KCNQ1: variants seen among roughly 807,000 people sequenced by gnomAD.
KCNQ1 encodes the protein potassium voltage-gated channel subfamily KQT member 1.
KCNQ1 carries 49 observed loss-of-function variants against 72.4 expected under a neutral mutation model. The observed-to-expected ratio is 0.68, with a 90% CI of 0.54 to 0.86. KCNQ1 has a LOEUF of 0.86. KCNQ1 is among the 40% of genes least tolerant of loss of function. The pLI is 0.00. For missense variants in KCNQ1, 790 were observed against 945.1 expected, an observed-to-expected ratio of 0.84 and a Z score of 2.15; for synonymous variants, 450 against 412.6, an observed-to-expected ratio of 1.09 and a Z score of -1.10.
At chr11:2,811,243 G>A (rs1036864434) in intron 15 of KCNQ1, among the ~76,000 whole-genome samples, 1 of 152,180 alleles carries the variant, frequency 6.6e-6, no homozygotes, top group Non-Finnish European at 1.5e-5. Context: ...ACCCCTGTCC[G>A]GCTTCCCTGG....
intron 11 of KCNQ1, among the ~76,000 whole-genome samples, chr11:2,707,222 C>T (rs1850925777): frequency 6.6e-6 from 1 of 152,156 alleles, no homozygotes; most frequent in African/African-American, 2.4e-5. Context: ...CACCAAAGCT[C>T]ACTACTGTTT....
In KCNQ1 at chr11:2,664,412, G is replaced by A. The variant is rs536860999; in HGVS notation, c.1514+2331G>A. ...GAGGCCTGAAGGGGAGAGTGGGCAC[G>A]TACAGTGTCAGGGCCTAGGAACCCA... On this transcript the variant is annotated intron_variant, in intron 11 of 15. Transcript: ENST00000155840. This position sits in a 1 kb window ranked among gnomAD's most constrained non-coding sequence, Gnocchi z 5.1. 35 of 398,692 alleles carry A rather than the reference G, an allele frequency of 8.8e-5. 1 individual carries two copies. The South Asian group carries it at 2.2e-3, about 25-fold the overall frequency. 24.7% of individuals were successfully genotyped at this position (398,692 alleles called of 1,614,324 possible).
rs1383476750 is a variant in KCNQ1 at position 2,803,585 on chromosome 11, A to T, written c.1794+25548A>T. Reference sequence around the variant, plus strand: ...TGGGGCTTCAGTGGAGCCCGCCAGGACTGGGGACACAAGCCTAGGCCTGTA... The same window carrying T: ...TGGGGCTTCAGTGGAGCCCGCCAGGTCTGGGGACACAAGCCTAGGCCTGTA... On this transcript the variant is annotated intron_variant, in intron 15 of 15. Coordinates refer to ENST00000155840, the MANE Select transcript of KCNQ1 (RefSeq NM_000218.3). The surrounding 1 kb of genome is among the most constrained non-coding windows in gnomAD (Gnocchi z 6.4). 6.6e-6 allele frequency among the ~76,000 whole-genome samples: 1 copy of T among 152,054 alleles called. No individual in the cohort carries two copies. Among genetic ancestry groups the T allele is most frequent in the African/African-American group, 2.4e-5 (1 of 41,396 alleles).
At chr11:2,504,277 T>G (rs1029780219) in intron 1 of KCNQ1, among the ~76,000 whole-genome samples, 1 of 151,778 alleles carries the variant, frequency 6.6e-6, no homozygotes, top group Non-Finnish European at 1.5e-5. Context: ...AGATAAAGAT[T>G]AAAACAATTG....
chr11:2,801,736 G>A (rs992246450), intron 15 of KCNQ1, among the ~76,000 whole-genome samples: 1 of 152,270 alleles, frequency 6.6e-6, no homozygotes, highest in African/African-American at 2.4e-5. Flanking sequence ...GGAGCCTGGG[G>A]AGATGCCCCC....
rs541331152 is a variant in KCNQ1, at chr11:2,719,393, G to A, written c.1515-49451G>A. ...TGCCTGTGGTCCCAGCTGTTTGGGGGCTGAGATGGGAGGATCGCCTGAGCC... is the reference window on the plus strand; with the variant it reads ...TGCCTGTGGTCCCAGCTGTTTGGGGACTGAGATGGGAGGATCGCCTGAGCC... On this transcript the variant is annotated intron_variant, in intron 11 of 15. Transcript: ENST00000155840. Among the ~76,000 whole-genome samples the A allele has an allele frequency of 3.9e-5, 6 of 151,926 alleles. No individual in the cohort carries two copies. In the South Asian group the frequency reaches 1.0e-3, roughly 26 times the overall value.
chr11:2,847,304 G>A lies in KCNQ1; in HGVS notation c.1795-463G>A, dbSNP rs141217381. Among the ~76,000 whole-genome samples the A allele has an allele frequency of 1.2e-3, 183 of 152,336 alleles. 1 individual carries two copies. The highest frequency in any genetic ancestry group is 4.3e-3 in the African/African-American group (180 of 41,584). ...GTCCAGTTCTCCTCCAGACACAGTA[G>A]ACATAGCCCCCAGCCTTTCTTGACC... On this transcript the variant is annotated intron_variant, in intron 15 of 15. Coordinates refer to ENST00000155840, the MANE Select transcript of KCNQ1 (RefSeq NM_000218.3).
Position 2,620,204 on chromosome 11 carries a change from T to TAC in KCNQ1, c.1393+31351_1393+31352insCA, listed in dbSNP as rs1849143109. 3.2e-6 allele frequency: 1 copy of TAC among 312,262 alleles called. No individual in the cohort carries two copies. Among genetic ancestry groups the TAC allele is most frequent in the Admixed American group, 5.2e-5 (1 of 19,260 alleles). The allele number at this position is 312,262 out of a possible 1,614,324, so 19.3% of individuals were successfully genotyped here. A position where few individuals can be genotyped will look rare whatever the true frequency, so the allele number is the denominator to read the frequency against. On this transcript the variant is annotated intron_variant, in intron 10 of 15. Coordinates refer to ENST00000155840, the MANE Select transcript of KCNQ1 (RefSeq NM_000218.3). This position sits in a 1 kb window ranked among gnomAD's most constrained non-coding sequence, Gnocchi z 4.5. The stretch of plus-strand genomic sequence containing the variant: ...AAGGACGTAAGTTCATTCATGTATA[T>TAC]ATATATATTTTTTTTTTTTATTTTT...
intron 11 of KCNQ1, among the ~76,000 whole-genome samples, chr11:2,707,549 G>C (rs1850930689): frequency 6.6e-6 from 1 of 152,118 alleles, no homozygotes; most frequent in South Asian, 2.1e-4. Flanking sequence ...GACCTGCCAG[G>C]CTCTCAGAGC....
Position 2,669,989 on chromosome 11 carries a change from C to T in KCNQ1, c.1514+7908C>T, listed in dbSNP as rs952928117. On this transcript the variant is annotated intron_variant, in intron 11 of 15. Coordinates refer to ENST00000155840, the MANE Select transcript of KCNQ1 (RefSeq NM_000218.3). This position sits in a 1 kb window ranked among gnomAD's most constrained non-coding sequence, Gnocchi z 5.6. ...GTCCCCAAGTCACAACCTCAAATCTCGGAATGGGGTTCAGGAGCTGTTGGG... is the reference window on the plus strand; with the variant it reads ...GTCCCCAAGTCACAACCTCAAATCTTGGAATGGGGTTCAGGAGCTGTTGGG... The T allele has an allele frequency of 1.3e-5, 5 of 398,532 alleles. No individual in the cohort carries two copies. The highest frequency in any genetic ancestry group is 3.6e-5 in the East Asian group (1 of 28,082). The allele number at this position is 398,532 out of a possible 1,614,324, so 24.7% of individuals were successfully genotyped here.
At chr11:2,459,144 C>T (rs1323013978) in intron 1 of KCNQ1, among the ~76,000 whole-genome samples, 1 of 152,182 alleles carries the variant, frequency 6.6e-6, no homozygotes, top group Non-Finnish European at 1.5e-5. Context: ...CAGCTCCCAG[C>T]TGGCCATGTT....
In KCNQ1 at chr11:2,562,885, C is replaced by A. The variant is rs947374970; in HGVS notation, c.478-7743C>A. Among the ~76,000 whole-genome samples the A allele has an allele frequency of 6.6e-6, 1 of 152,114 alleles. No homozygotes were observed. The highest frequency in any genetic ancestry group is 1.5e-5 in the Non-Finnish European group (1 of 68,022). ...TCCGCCGTCTTTAAAATTAATTTTCCTTTAAAGATACTGTAGAGCAGTAAC... is the reference window on the plus strand; with the variant it reads ...TCCGCCGTCTTTAAAATTAATTTTCATTTAAAGATACTGTAGAGCAGTAAC... On this transcript the variant is annotated intron_variant, in intron 2 of 15. Transcript: ENST00000155840. This position sits in a 1 kb window ranked among gnomAD's most constrained non-coding sequence, Gnocchi z 7.5.
rs1288929685 is a variant in KCNQ1 at position 2,803,665 on chromosome 11, C to A, written c.1794+25628C>A. Among the ~76,000 whole-genome samples, 1 of 152,150 alleles carries A rather than the reference C, an allele frequency of 6.6e-6. No homozygotes were observed. Among genetic ancestry groups the A allele is most frequent in the African/African-American group, 2.4e-5 (1 of 41,418 alleles). On this transcript the variant is annotated intron_variant, in intron 15 of 15. Coordinates refer to ENST00000155840, the MANE Select transcript of KCNQ1 (RefSeq NM_000218.3). This position sits in a 1 kb window ranked among gnomAD's most constrained non-coding sequence, Gnocchi z 6.4. The stretch of plus-strand genomic sequence containing the variant: ...CCTGCCCCAGCCTGCCCACCCCCAG[C>A]CTGTCCCCCAAATGCCCAGGGCTGT...
chr11:2,489,783 T>C (rs1188647571), intron 1 of KCNQ1, among the ~76,000 whole-genome samples: 9 of 152,084 alleles, frequency 5.9e-5, no homozygotes, highest in Non-Finnish European at 1.2e-4. Context: ...CAGAAGGGAA[T>C]CCACTGCCTT....
chr11:2,486,298 T>C lies in KCNQ1; in HGVS notation c.386+40814T>C, dbSNP rs1846739806. On this transcript the variant is annotated intron_variant, in intron 1 of 15. Coordinates refer to ENST00000155840, the MANE Select transcript of KCNQ1 (RefSeq NM_000218.3). This position sits in a 1 kb window ranked among gnomAD's most constrained non-coding sequence, Gnocchi z 5.0. ...CTTATTAGCCATTTGTATATCTTCT[T>C]TGGAGAATATCTCCTCAGCTCTTTT... Among the ~76,000 whole-genome samples, 1 of 152,226 alleles carries C rather than the reference T, an allele frequency of 6.6e-6. No individual in the cohort carries two copies. Among genetic ancestry groups the C allele is most frequent in the African/African-American group, 2.4e-5 (1 of 41,456 alleles).
chr11:2,475,474 CA>C lies in KCNQ1; in HGVS notation c.386+29994del, dbSNP rs1846556345. On this transcript the variant is annotated intron_variant, in intron 1 of 15. Transcript: ENST00000155840. The surrounding 1 kb of genome is among the most constrained non-coding windows in gnomAD (Gnocchi z 5.8). ...AAATGTGTGTTGCTTATGAAAATCA[CA>C]AAATTAAGTATGATGCCATCAAAAT... Among the ~76,000 whole-genome samples the C allele has an allele frequency of 6.6e-6, 1 of 152,096 alleles. No homozygotes were observed. Among genetic ancestry groups the C allele is most frequent in the Non-Finnish European group, 1.5e-5 (1 of 68,022 alleles).
chr11:2,727,983 T>C (rs1478131608), intron 11 of KCNQ1, among the ~76,000 whole-genome samples: 1 of 152,076 alleles, frequency 6.6e-6, no homozygotes, highest in Non-Finnish European at 1.5e-5. Context: ...CTAACCCTCT[T>C]ACCCTGCGTG....
At chr11:2,625,010 G>A (rs1849241471) in intron 10 of KCNQ1, 1 of 398,390 alleles carries the variant, frequency 2.5e-6, no homozygotes, top group Non-Finnish European at 4.4e-6. Flanking sequence ...TTGCATTGAT[G>A]TTTTAACTGT....
intron 15 of KCNQ1, among the ~76,000 whole-genome samples, chr11:2,804,111 T>C (rs1847329016): frequency 6.6e-6 from 1 of 152,076 alleles, no homozygotes; most frequent in Non-Finnish European, 1.5e-5. Context: ...CCCACTGGAT[T>C]CTCTACAGCG....
Sources: gnomAD v4.1 joint callset for allele counts (sites outside exome capture counted in the v4.1 genomes callset) on GRCh38, gnomAD v4.1.1 for gene constraint, Gnocchi (gnomAD v3.1) non-coding constraint, MANE v1.5 for transcripts, NCBI Gene and HGNC (gene_info 2026-07-23, HGNC 2026-07-21) for gene names.